ANLN: variants seen among roughly 807,000 people sequenced by gnomAD.
ANLN encodes anillin.
ANLN carries 59 observed loss-of-function variants against 135.1 expected under a neutral mutation model. That is an observed-to-expected ratio of 0.44 (90% CI 0.35 to 0.54). The LOEUF is 0.54. Ranked by LOEUF, ANLN falls within the 20% of genes least tolerant of loss-of-function variation. The pLI, the probability that ANLN is intolerant of heterozygous loss-of-function variation, is 0.00. For missense variants in ANLN, 1,182 were observed against 1,340.0 expected (o/e 0.88, Z 1.84); for synonymous variants, 406 against 456.4 (o/e 0.89, Z 1.41).
intron 1 of ANLN, among the ~76,000 whole-genome samples, chr7:36,393,356 T>C (rs911313295): frequency 2.0e-5 from 3 of 152,192 alleles, no homozygotes; most frequent in Non-Finnish European, 2.9e-5. Flanking sequence ...CAGCCTACAG[T>C]GTGGCCATCC....
At chr7:36,424,874 T>C in intron 17 of ANLN, 132 bp downstream of exon 17, 1 of 848,226 alleles carries the variant, frequency 1.2e-6, no homozygotes, top group Non-Finnish European at 1.8e-6. Flanking sequence ...AATTTGTAGT[T>C]ACTATGTTAA....
At chr7:36,390,104 T>G in intron 1 of ANLN, 60 bp downstream of exon 1, 1 of 1,611,248 alleles carries the variant, frequency 6.2e-7, no homozygotes, top group Non-Finnish European at 8.5e-7. Flanking sequence ...CCACCCACCT[T>G]CCTCTGTCAA....
At chr7:36,411,020 A>G (rs1050048033) in intron 6 of ANLN, 39 bp from the exon 7 acceptor site, 6 of 1,530,476 alleles carry the variant, frequency 3.9e-6, no homozygotes, top group South Asian at 1.2e-5. Context: ...TAAACATGCT[A>G]CCGGCTCTTG....
chr7:36,440,046 A>G (rs910300457), intron 21 of ANLN, among the ~76,000 whole-genome samples: 1 of 152,224 alleles, frequency 6.6e-6, no homozygotes, highest in African/African-American at 2.4e-5. Flanking sequence ...GTTCCCACCA[A>G]TGTGGGAAAT....
intron 20 of ANLN, among the ~76,000 whole-genome samples, chr7:36,427,797 C>T (rs943910707): frequency 2.0e-5 from 3 of 152,162 alleles, no homozygotes; most frequent in African/African-American, 7.2e-5. Context: ...ATATTAGAAG[C>T]TTCAAAAATC....
At chr7:36,443,194 A>G (rs2052196) in intron 21 of ANLN, among the ~76,000 whole-genome samples, 17,861 of 152,144 alleles carry the variant, frequency 0.12, 1,102 homozygotes, top group South Asian at 0.14. Flanking sequence ...GCAGGGAGGC[A>G]CCACTTCAAG....
At chr7:36,408,373 G>A (rs1276500334) in intron 5 of ANLN, among the ~76,000 whole-genome samples, 1 of 152,120 alleles carries the variant, frequency 6.6e-6, no homozygotes, top group Admixed American at 6.5e-5. Flanking sequence ...GAATGTGCAT[G>A]CAAATGACTC....
intron 20 of ANLN, among the ~76,000 whole-genome samples, chr7:36,435,553 T>C (rs1788498400): frequency 6.6e-6 from 1 of 152,110 alleles, no homozygotes; most frequent in Admixed American, 6.5e-5. Flanking sequence ...TTGAATCTAA[T>C]TTCTTTTGCT....
intron 1 of ANLN, chr7:36,390,364 C>T (rs1222655559): frequency 2.4e-6 from 1 of 408,384 alleles, no homozygotes; most frequent in Non-Finnish European, 4.5e-6. Context: ...GAGTGAGGCG[C>T]AGGCCTGCGG....
At chr7:36,444,900 T>A (rs994285694) in intron 22 of ANLN, among the ~76,000 whole-genome samples, 4 of 151,996 alleles carry the variant, frequency 2.6e-5, no homozygotes, top group African/African-American at 4.8e-5. Context: ...GCTATGTGTG[T>A]TACACTGTAG....
rs139482132 is a variant in ANLN at position 36,406,268 on chromosome 7, C to T, written c.575C>T (p.Ser192Leu). Residue 192 changes from serine (S) to leucine (L), a missense_variant, in exon 4 of 24, where the codon TCG (serine) becomes TTG (leucine). Physicochemically the swap from Ser to Leu is moderately radical, Grantham distance 145. Coordinates refer to ENST00000265748, the MANE Select transcript of ANLN (RefSeq NM_018685.5). ...CCCAGACCTCTGCTTTCAAATGCCT[C>T]GGCAACTCCAGTTGGCAGAAGGGGC... Reference protein sequence around the residue: ...SPPRPLLSNASATPVGRRGRL... With the variant: ...SPPRPLLSNALATPVGRRGRL... 41 of 1,614,142 alleles carry T rather than the reference C, an allele frequency of 2.5e-5. 1 individual carries two copies. In the African/African-American group the frequency reaches 2.9e-4, roughly 12 times the overall value.
chr7:36,430,629 A>G (rs1348591240), intron 20 of ANLN, among the ~76,000 whole-genome samples: 5 of 152,222 alleles, frequency 3.3e-5, no homozygotes, highest in South Asian at 2.1e-4. Context: ...AGAGCAAACA[A>G]TTTTGAAGTA....
chr7:36,439,126 C>A, intron 20 of ANLN, 78 bp from the exon 21 acceptor site: 1 of 864,368 alleles, frequency 1.2e-6, no homozygotes, highest in Non-Finnish European at 1.9e-6. Context: ...AGTCTCTGTT[C>A]ATGATTTATA....
intron 13 of ANLN, among the ~76,000 whole-genome samples, chr7:36,422,427 C>T (rs556955828): frequency 1.2e-4 from 18 of 152,036 alleles, no homozygotes; most frequent in Admixed American, 1.0e-3. Flanking sequence ...GAAAACTAGC[C>T]GAAAGTTGAT....
intron 7 of ANLN, 88 bp downstream of exon 7, chr7:36,411,254 A>G: frequency 9.4e-7 from 1 of 1,059,730 alleles, no homozygotes; most frequent in Non-Finnish European, 1.3e-6. Flanking sequence ...ATAATTCTTT[A>G]CACATTTTTC....
chr7:36,397,454 T>G (rs532344280), intron 2 of ANLN, among the ~76,000 whole-genome samples: 9 of 152,334 alleles, frequency 5.9e-5, no homozygotes, highest in Non-Finnish European at 1.2e-4. Context: ...GAAGTTCACA[T>G]TTACTGTTTT....
In ANLN at chr7:36,399,097, C is replaced by G. The variant is rs200238245; in HGVS notation, c.191C>G (p.Pro64Arg). 5.2e-5 allele frequency: 84 copies of G among 1,608,650 alleles called. No individual in the cohort carries two copies. Among genetic ancestry groups the G allele is most frequent in the Non-Finnish European group, 6.7e-5 (79 of 1,177,008 alleles). ...AATGTAGAGAAATCTTGTACAAAACCATCGCCATCAAAAAAACGCTGTTCT... is the reference window on the plus strand; with the variant it reads ...AATGTAGAGAAATCTTGTACAAAACGATCGCCATCAAAAAAACGCTGTTCT... ...SGGEEKSCTK[P>R]SPSKKRCSDN... The change falls in exon 3 of 24, where the codon CCA (proline) becomes CGA (arginine). Residue 64 changes from proline to arginine, a missense_variant. Pro to Arg is a moderately radical substitution (Grantham distance 103, BLOSUM62 -2). Coordinates refer to ENST00000265748, the MANE Select transcript of ANLN (RefSeq NM_018685.5).
intron 23 of ANLN, 125 bp from the exon 24 acceptor site, chr7:36,452,352 T>C: frequency 1.9e-5 from 23 of 1,223,494 alleles, no homozygotes; most frequent in Non-Finnish European, 2.7e-5. Context: ...TTAGCATCCA[T>C]AAAAGGTGGT....
intron 8 of ANLN, among the ~76,000 whole-genome samples, chr7:36,416,598 T>C (rs1272959706): frequency 6.6e-6 from 1 of 152,168 alleles, no homozygotes; most frequent in Non-Finnish European, 1.5e-5. Flanking sequence ...TTTTGAGTAA[T>C]TTTATTGGCA....
Sources: gnomAD v4.1 joint callset for allele counts (sites outside exome capture counted in the v4.1 genomes callset) on GRCh38, gnomAD v4.1.1 for gene constraint, MANE v1.5 for transcripts, NCBI Gene and HGNC (gene_info 2026-07-23, HGNC 2026-07-21) for gene names.